SERPINB9: variants seen among roughly 807,000 people sequenced by gnomAD.
The protein encoded by SERPINB9 is serpin B9.
SERPINB9 carries 20 observed loss-of-function variants against 27.2 expected under a neutral mutation model. The ratio of observed to expected loss-of-function variants is 0.74; its 90% CI spans 0.52 to 1.07. The LOEUF (loss-of-function observed/expected upper bound fraction) is 1.07, where lower values mean the gene tolerates loss of function less well. SERPINB9 is among the 50% of genes least tolerant of loss of function. SERPINB9 has a pLI of 0.00. For missense variants in SERPINB9, 476 were observed against 460.1 expected, an observed-to-expected ratio of 1.03 and a Z score of -0.32; for synonymous variants, 189 against 180.0, an observed-to-expected ratio of 1.05 and a Z score of -0.40.
At chr6:2,892,097 G>C in intron 5 of SERPINB9, 109 bp from the exon 6 acceptor site, 96 of 277,130 alleles carry the variant, frequency 3.5e-4, no homozygotes, top group Middle Eastern at 2.1e-3. Flanking sequence ...TCATGCCCCA[G>C]TTAACACTAA....
chr6:2,899,969 T>C (rs1269174646), intron 2 of SERPINB9: 1 of 453,952 alleles, frequency 2.2e-6, no homozygotes, highest in Admixed American at 2.4e-5. Context: ...AGTGTGCAGC[T>C]GTAATGAAGC....
chr6:2,887,366 A>G lies in SERPINB9; in HGVS notation c.*2797T>C, dbSNP rs1390002137. ...AGAGAAAATATAAAACAGAGGGATAATATCTTTAATAGGCAAAGACATATG... is the reference window on the plus strand; with the variant it reads ...AGAGAAAATATAAAACAGAGGGATAGTATCTTTAATAGGCAAAGACATATG... On this transcript the variant is annotated 3_prime_UTR_variant, in exon 7 of 7. Coordinates refer to ENST00000380698, the MANE Select transcript of SERPINB9 (RefSeq NM_004155.6). 6.6e-6 allele frequency: 1 copy of G among 152,228 alleles called. No individual in the cohort carries two copies. Among genetic ancestry groups the G allele is most frequent in the Non-Finnish European group, 1.5e-5 (1 of 68,040 alleles). 9.4% of individuals were successfully genotyped at this position (152,228 alleles called of 1,614,324 possible).
rs1406536037 is a variant in SERPINB9 at position 2,889,082 on chromosome 6, T to C, written c.*1081A>G. On this transcript the variant is annotated 3_prime_UTR_variant, in exon 7 of 7. Transcript: ENST00000380698. ...TCCAAGTACAAAGAGAGTTCAAATATGTACATCTGGTTGCGGAGAAAGGAA... is the reference window on the plus strand; with the variant it reads ...TCCAAGTACAAAGAGAGTTCAAATACGTACATCTGGTTGCGGAGAAAGGAA... 6.6e-6 allele frequency: 1 copy of C among 152,122 alleles called. No individual in the cohort carries two copies. The highest frequency in any genetic ancestry group is 1.5e-5 in the Non-Finnish European group (1 of 68,028). 9.4% of individuals were successfully genotyped at this position (152,122 alleles called of 1,614,324 possible).
At chr6:2,897,969 C>T (rs749703922) in intron 2 of SERPINB9, among the ~76,000 whole-genome samples, 5 of 152,122 alleles carry the variant, frequency 3.3e-5, no homozygotes, top group Non-Finnish European at 7.4e-5. Context: ...ACTCGGGAGG[C>T]TGAGGCAGGA....
Position 2,900,603 on chromosome 6 carries a change from A to T in SERPINB9, c.9T>A (p.Thr3=). The T allele has an allele frequency of 1.9e-6, 3 of 1,614,094 alleles. No individual in the cohort carries two copies. Among genetic ancestry groups the T allele is most frequent in the Non-Finnish European group, 2.5e-6 (3 of 1,179,994 alleles). Reference sequence around the variant, plus strand: ...CAAAAGTACCACTTGCATTAGAAAGAGTTTCCATGATGCAGGGCCTGGAAG... The same window carrying T: ...CAAAAGTACCACTTGCATTAGAAAGTGTTTCCATGATGCAGGGCCTGGAAG... The part of the protein sequence containing the change: ME[T]LSNASGTFAI... Residue 3 remains threonine, a synonymous_variant, in exon 2 of 7, where the codon ACT becomes ACA. Transcript: ENST00000380698.
At chr6:2,895,072 T>C (rs1009356441) in intron 4 of SERPINB9, among the ~76,000 whole-genome samples, 7 of 152,340 alleles carry the variant, frequency 4.6e-5, no homozygotes, top group African/African-American at 1.7e-4. Context: ...TTGACATTTG[T>C]ATCAGCTACT....
chr6:2,893,724 A>G (rs1767904144), intron 4 of SERPINB9, among the ~76,000 whole-genome samples, 171 bp from the exon 5 acceptor site: 1 of 146,318 alleles, frequency 6.8e-6, no homozygotes, highest in Admixed American at 6.7e-5. Flanking sequence ...ATGATTACTG[A>G]CACCTTGAGA....
At chr6:2,896,567 T>C (rs1449859777) in intron 2 of SERPINB9, among the ~76,000 whole-genome samples, 2 of 152,200 alleles carry the variant, frequency 1.3e-5, no homozygotes, top group Non-Finnish European at 2.9e-5. Flanking sequence ...AGCAATGTGA[T>C]TAATAAGACA....
At chr6:2,900,715 G>T in intron 1 of SERPINB9, 94 bp from the exon 2 acceptor site, 2 of 1,131,634 alleles carry the variant, frequency 1.8e-6, no homozygotes, top group East Asian at 2.4e-5. Context: ...CGTACTTTTT[G>T]TTTTCTTCTT....
intron 1 of SERPINB9, among the ~76,000 whole-genome samples, chr6:2,900,943 G>A (rs1031124727): frequency 2.1e-5 from 3 of 145,262 alleles, no homozygotes; most frequent in Non-Finnish European, 3.0e-5. Context: ...AATTCTTTCC[G>A]TAAGGACCAG....
rs372083827 is a variant in SERPINB9, at chr6:2,890,501, C to A, written c.793G>T (p.Val265Phe). The A allele has an allele frequency of 6.2e-7, 1 of 1,614,178 alleles. No individual in the cohort carries two copies. Among genetic ancestry groups the A allele is most frequent in the Admixed American group, 1.7e-5 (1 of 60,024 alleles). The change falls in exon 7 of 7, where the codon GTT (valine) becomes TTT (phenylalanine). Residue 265 changes from valine (V) to phenylalanine (F), a missense_variant. By Grantham distance (50) the Val-to-Phe change is conservative. Coordinates refer to ENST00000380698, the MANE Select transcript of SERPINB9 (RefSeq NM_004155.6). This position sits in a 1 kb window ranked among gnomAD's most constrained non-coding sequence, Gnocchi z 6.2. ...TTAAATTTTGGAAGGAGAACTTCAACCTCAGTACTCTTCATACAGTCTGGC... is the reference window on the plus strand; with the variant it reads ...TTAAATTTTGGAAGGAGAACTTCAAACTCAGTACTCTTCATACAGTCTGGC... ...TKPDCMKSTE[V>F]EVLLPKFKLQ...
rs146773314 is a variant in SERPINB9 at position 2,890,296 on chromosome 6, G to A, written c.998C>T (p.Ser333Leu). The change falls in exon 7 of 7, where the codon TCG becomes TTG. Residue 333 changes from serine to leucine, a missense_variant. Transcript: ENST00000380698. This position sits in a 1 kb window ranked among gnomAD's most constrained non-coding sequence, Gnocchi z 6.2. ...NEEGTEAAAA[S>L]SCFVVAECCM... The stretch of plus-strand genomic sequence containing the variant: ...GCACTCTGCAACTACAAAGCAGCTC[G>A]ACGCTGCCGCTGCCTCGGTGCCTTC... The A allele has an allele frequency of 1.4e-5, 22 of 1,614,192 alleles. No homozygotes were observed. The highest frequency in any genetic ancestry group is 5.3e-5 in the African/African-American group (4 of 75,054).
intron 5 of SERPINB9, among the ~76,000 whole-genome samples, chr6:2,893,053 CTTTTT>C (rs5873846): frequency 5.3e-5 from 6 of 113,534 alleles, no homozygotes; most frequent in African/African-American, 9.8e-5. Flanking sequence ...TACCTTAACA[CTTTTT>C]TTTTTTTTTT....
In SERPINB9 at chr6:2,890,229, GA is replaced by G; in HGVS notation, c.1064del (p.Phe355SerfsTer57). On this transcript the variant is annotated frameshift_variant, in exon 7 of 7. Coordinates refer to ENST00000380698, the MANE Select transcript of SERPINB9 (RefSeq NM_004155.6). LOFTEE classifies it high-confidence loss of function. This position sits in a 1 kb window ranked among gnomAD's most constrained non-coding sequence, Gnocchi z 6.2. ...CTCTGTTGTGCCTGATGAAGAAAAG[GA>G]AAGGGTGGTCAGCACAGAACCTGGG... ...SGPRFCADHP[F>X]LFFIRHNRAN... 1 of 1,614,216 alleles carries G rather than the reference GA, an allele frequency of 6.2e-7. No homozygotes were observed. Among genetic ancestry groups the G allele is most frequent in the Non-Finnish European group, 8.5e-7 (1 of 1,180,046 alleles).
At position 2,891,732 on chromosome 6, in the gene SERPINB9, G is replaced by T; in HGVS notation, c.723+101C>A. ...CCAAGTGCCTGCACAGTGTGCGTCT[G>T]CCGCATCGCCAACTCAGAAGGTGAA... On this transcript the variant is annotated intron_variant, in intron 6 of 6. Transcript: ENST00000380698. The surrounding 1 kb of genome is among the most constrained non-coding windows in gnomAD (Gnocchi z 4.0). 1 of 1,369,330 alleles carries T rather than the reference G, an allele frequency of 7.3e-7. No individual in the cohort carries two copies. The highest frequency in any genetic ancestry group is 9.8e-7 in the Non-Finnish European group (1 of 1,016,450). The allele number at this position is 1,369,330 out of a possible 1,614,324, so 84.8% of individuals were successfully genotyped here. A position where few individuals can be genotyped will look rare whatever the true frequency, so the allele number is the denominator to read the frequency against.
In SERPINB9 at chr6:2,891,693, G is replaced by A. The variant is rs1359159639; in HGVS notation, c.723+140C>T. 8 of 931,038 alleles carry A rather than the reference G, an allele frequency of 8.6e-6. No homozygotes were observed. In the Admixed American group the frequency reaches 2.2e-4, roughly 26 times the overall value. 57.7% of individuals were successfully genotyped at this position (931,038 alleles called of 1,614,324 possible). ...TGGGAAAAGTCAGCCTTGAACAAAA[G>A]TTCGATCCCAACGCCAAGTGCCTGC... On this transcript the variant is annotated intron_variant, in intron 6 of 6. Transcript: ENST00000380698. This position sits in a 1 kb window ranked among gnomAD's most constrained non-coding sequence, Gnocchi z 4.0.
rs1767724916 is a variant in SERPINB9, at chr6:2,889,813, C to G, written c.*350G>C. On this transcript the variant is annotated 3_prime_UTR_variant, in exon 7 of 7. Coordinates refer to ENST00000380698, the MANE Select transcript of SERPINB9 (RefSeq NM_004155.6). ...CAATATCTAGCACCATTTATTACCA[C>G]TGAGGCAGCGGGTTAAGGAATGTAT... 1 of 208,244 alleles carries G rather than the reference C, an allele frequency of 4.8e-6. No individual in the cohort carries two copies. The highest frequency in any genetic ancestry group is 2.3e-5 in the African/African-American group (1 of 44,166). 12.9% of individuals were successfully genotyped at this position (208,244 alleles called of 1,614,324 possible).
Position 2,887,354 on chromosome 6 carries a change from AAC to A in SERPINB9, c.*2807_*2808del, listed in dbSNP as rs1767633595. ...AATACAAGAATGAGAGAAAATATAA[AAC>A]AGAGGGATAATATCTTTAATAGGCA... is the stretch of plus-strand genomic sequence containing the variant. On this transcript the variant is annotated 3_prime_UTR_variant, in exon 7 of 7. Coordinates refer to ENST00000380698, the MANE Select transcript of SERPINB9 (RefSeq NM_004155.6). 1 of 152,196 alleles carries A rather than the reference AAC, an allele frequency of 6.6e-6. No individual in the cohort carries two copies. The highest frequency in any genetic ancestry group is 1.5e-5 in the Non-Finnish European group (1 of 68,042). 9.4% of individuals were successfully genotyped at this position (152,196 alleles called of 1,614,324 possible).
rs370745277 is a variant in SERPINB9, at chr6:2,890,299, G to C, written c.995C>G (p.Ala332Gly). The part of the protein sequence containing the change: ...VNEEGTEAAA[A>G]SSCFVVAECC... ...CTCTGCAACTACAAAGCAGCTCGACGCTGCCGCTGCCTCGGTGCCTTCTTC... is the reference window on the plus strand; with the variant it reads ...CTCTGCAACTACAAAGCAGCTCGACCCTGCCGCTGCCTCGGTGCCTTCTTC... The change falls in exon 7 of 7, where the codon GCG (alanine) becomes GGG (glycine). Residue 332 changes from alanine to glycine, a missense_variant. By Grantham distance (60) the Ala-to-Gly change is moderately conservative. Coordinates refer to ENST00000380698, the MANE Select transcript of SERPINB9 (RefSeq NM_004155.6). This position sits in a 1 kb window ranked among gnomAD's most constrained non-coding sequence, Gnocchi z 6.2. The C allele has an allele frequency of 6.2e-7, 1 of 1,614,208 alleles. No homozygotes were observed. Among genetic ancestry groups the C allele is most frequent in the South Asian group, 1.1e-5 (1 of 91,088 alleles).
Sources: gnomAD v4.1 joint callset for allele counts (sites outside exome capture counted in the v4.1 genomes callset) on GRCh38, gnomAD v4.1.1 for gene constraint, Gnocchi (gnomAD v3.1) non-coding constraint, MANE v1.5 for transcripts, NCBI Gene and HGNC (gene_info 2026-07-23, HGNC 2026-07-21) for gene names.